CBLC: variants seen among roughly 807,000 people sequenced by gnomAD.
CBLC encodes Cbl proto-oncogene C, also known as E3 ubiquitin-protein ligase CBL-C.
A neutral mutation model predicts 58.6 loss-of-function variants in CBLC; 46 were observed. The ratio of observed to expected loss-of-function variants is 0.79; its 90% CI spans 0.62 to 1.00. The LOEUF is 1.00. Ranked by LOEUF, CBLC falls within the 50% of genes least tolerant of loss-of-function variation. The probability of loss-of-function intolerance (pLI) is 0.00; values close to 1 mark genes in which losing one functional copy is unlikely to be tolerated. For missense variants in CBLC, 655 were observed against 625.8 expected, an observed-to-expected ratio of 1.05 and a Z score of -0.50; for synonymous variants, 271 against 264.2, an observed-to-expected ratio of 1.03 and a Z score of -0.25.
intron 6 of CBLC, 25 bp downstream of exon 6, chr19:44,790,116 G>A (rs901970187): frequency 1.9e-6 from 3 of 1,587,570 alleles, no homozygotes; most frequent in Non-Finnish European, 2.6e-6. Flanking sequence ...TGCACCCGCA[G>A]TCCCAGTTCC....
chr19:44,795,958 G>T (rs967589533), intron 9 of CBLC, among the ~76,000 whole-genome samples: 2 of 152,324 alleles, frequency 1.3e-5, no homozygotes, highest in South Asian at 4.1e-4. Flanking sequence ...GCTTATGCCT[G>T]TAATCCCAAC....
intron 9 of CBLC, among the ~76,000 whole-genome samples, chr19:44,797,304 G>T (rs1188562134): frequency 1.3e-5 from 2 of 152,098 alleles, no homozygotes; most frequent in Non-Finnish European, 2.9e-5. Flanking sequence ...AGGCTGGAGT[G>T]CAGTGGCACG....
intron 5 of CBLC, 114 bp downstream of exon 5, chr19:44,784,515 G>C (rs559599445): frequency 1.1e-5 from 12 of 1,059,064 alleles, no homozygotes; most frequent in Admixed American, 7.3e-5. Flanking sequence ...TTCACATAGG[G>C]GACATCTCAA....
Position 44,792,382 on chromosome 19 carries a change from G to A in CBLC, c.1006-1G>A. The A allele has an allele frequency of 6.2e-7, 1 of 1,613,312 alleles. No homozygotes were observed. Among genetic ancestry groups the A allele is most frequent in the Non-Finnish European group, 8.5e-7 (1 of 1,179,874 alleles). On this transcript the variant is annotated splice_acceptor_variant, in intron 6 of 10. Transcript: ENST00000647358. LOFTEE classifies it high-confidence loss of function. ...GTCTTCTCTATCCTCTCACCTGCCA[G>A]GAGCAGCTGCAGCTCTACTGGGCCA...
Position 44,780,959 on chromosome 19 carries a change from C to G in CBLC, c.408C>G (p.His136Gln). Residue 136 changes from histidine to glutamine, a missense_variant, in exon 2 of 11, where the codon CAC (histidine) becomes CAG (glutamine). This residue lies in a region of CBLC where 280 missense variants were observed against 237.2 expected (regional missense o/e 1.18). Transcript: ENST00000647358. The part of the protein sequence containing the change: ...IIFSHMHAEL[H>Q]ALFPGGKYCG... Reference sequence around the variant, plus strand: ...TCAGCCACATGCACGCAGAGCTGCACGCACTCTTCCCCGGGGGAAAGTACT... The same window carrying G: ...TCAGCCACATGCACGCAGAGCTGCAGGCACTCTTCCCCGGGGGAAAGTACT... 1 of 1,613,464 alleles carries G rather than the reference C, an allele frequency of 6.2e-7. No individual in the cohort carries two copies.
chr19:44,794,193 T>TCC lies in CBLC; in HGVS notation c.1285-9_1285-8dup, dbSNP rs1555781029. 6.9e-6 allele frequency: 11 copies of TCC among 1,602,736 alleles called. No individual in the cohort carries two copies. In the African/African-American group the frequency reaches 1.4e-4, roughly 20 times the overall value. On this transcript the variant is annotated splice_polypyrimidine_tract_variant and intron_variant, in intron 8 of 10. Coordinates refer to ENST00000647358, the MANE Select transcript of CBLC (RefSeq NM_012116.4). The stretch of plus-strand genomic sequence containing the variant: ...TCACAAGCCCCTTCTCCTTCCTCTG[T>TCC]CCCACCCCAGGTGCCCCTTTCGGCT...
In CBLC at chr19:44,790,108, C is replaced by T. The variant is rs940914047; in HGVS notation, c.1005+17C>T. The stretch of plus-strand genomic sequence containing the variant: ...GTGTCAGAGGTGAGACCCGCACCTG[C>T]ACCCGCAGTCCCAGTTCCCTGACCC... On this transcript the variant is annotated intron_variant, in intron 6 of 10. Transcript: ENST00000647358. The T allele has an allele frequency of 1.3e-6, 2 of 1,593,054 alleles. No individual in the cohort carries two copies. Among genetic ancestry groups the T allele is most frequent in the Admixed American group, 1.7e-5 (1 of 59,944 alleles).
intron 4 of CBLC, 64 bp from the exon 5 acceptor site, chr19:44,784,200 G>A (rs907030009): frequency 6.9e-7 from 1 of 1,452,546 alleles, no homozygotes; most frequent in Non-Finnish European, 9.3e-7. Flanking sequence ...CAGGGGACTG[G>A]AAGTTCACAA....
At chr19:44,779,735 T>C (rs1967671509) in intron 1 of CBLC, among the ~76,000 whole-genome samples, 1 of 151,740 alleles carries the variant, frequency 6.6e-6, no homozygotes, top group Admixed American at 6.6e-5. Context: ...TATTTTTTGG[T>C]AGAGAGGAGG....
chr19:44,782,868 A>C (rs1229131783), intron 4 of CBLC, among the ~76,000 whole-genome samples: 1 of 152,102 alleles, frequency 6.6e-6, no homozygotes, highest in Non-Finnish European at 1.5e-5. Flanking sequence ...AGAGTCCTTA[A>C]ATTATTTCAA....
Position 44,784,406 on chromosome 19 carries a change from G to C in CBLC, c.917+5G>C. 2 of 1,571,520 alleles carry C rather than the reference G, an allele frequency of 1.3e-6. No homozygotes were observed. Among genetic ancestry groups the C allele is most frequent in the Non-Finnish European group, 1.7e-6 (2 of 1,147,436 alleles). On this transcript the variant is annotated splice_donor_5th_base_variant and intron_variant, in intron 5 of 10. Coordinates refer to ENST00000647358, the MANE Select transcript of CBLC (RefSeq NM_012116.4). ...GGAGGGACAGAAGGACGGCTTGTGAGTCTCCATTCTGGTAGGAGGAGGGTG... is the reference window on the plus strand; with the variant it reads ...GGAGGGACAGAAGGACGGCTTGTGACTCTCCATTCTGGTAGGAGGAGGGTG...
intron 9 of CBLC, among the ~76,000 whole-genome samples, chr19:44,796,034 G>A (rs921029694): frequency 3.9e-5 from 6 of 152,044 alleles, no homozygotes; most frequent in African/African-American, 9.7e-5. Flanking sequence ...AACCAACATG[G>A]TGAAACCCTG....
chr19:44,797,574 C>CTT (rs763685561), intron 9 of CBLC, among the ~76,000 whole-genome samples: 4 of 133,194 alleles, frequency 3.0e-5, no homozygotes, highest in Non-Finnish European at 4.8e-5. Flanking sequence ...CCTGGCATTG[C>CTT]TTTTTTTTTT....
rs191160050 is a variant in CBLC, at chr19:44,781,412, A to G, written c.657+49A>G. ...GCTAGACTTGGGTCCAGGAGGAAGT[A>G]GAGGGCTGAATCCTGGATTCCTGGG... On this transcript the variant is annotated intron_variant, in intron 3 of 10. Coordinates refer to ENST00000647358, the MANE Select transcript of CBLC (RefSeq NM_012116.4). 7,926 of 1,559,402 alleles carry G rather than the reference A, an allele frequency of 5.1e-3. 32 individuals carry two copies. The highest frequency in any genetic ancestry group is 6.2e-3 in the Non-Finnish European group (7,145 of 1,147,992).
At position 44,792,426 on chromosome 19, in the gene CBLC, T is replaced by A. The variant is rs759463367; in HGVS notation, c.1049T>A (p.Leu350His). The change falls in exon 7 of 11, where the codon CTC (leucine) becomes CAC (histidine). Residue 350 changes from leucine (L) to histidine (H), a missense_variant. Transcript: ENST00000647358. ...TGGGCCATGGACTCCACATTTGAGC[T>A]CTGCAAGATCTGTGCTGAGAGCAAC... ...LYWAMDSTFE[L>H]CKICAESNKD... is the part of the protein sequence containing the mutation. 1 of 1,613,702 alleles carries A rather than the reference T, an allele frequency of 6.2e-7. No individual in the cohort carries two copies. The highest frequency in any genetic ancestry group is 8.5e-7 in the Non-Finnish European group (1 of 1,179,912).
At chr19:44,794,921 C>T (rs1968149009) in intron 9 of CBLC, among the ~76,000 whole-genome samples, 1 of 151,866 alleles carries the variant, frequency 6.6e-6, no homozygotes, top group South Asian at 2.1e-4. Context: ...AGATAGCACC[C>T]CTAGCTGGGG....
Position 44,780,954 on chromosome 19 carries a change from C to T in CBLC, c.403C>T (p.Leu135=). The change falls in exon 2 of 11, where the codon CTG becomes TTG. Residue 135 remains leucine, a synonymous_variant. Transcript: ENST00000647358. ...AIIFSHMHAE[L]HALFPGGKYC... Reference sequence around the variant, plus strand: ...CATCTTCAGCCACATGCACGCAGAGCTGCACGCACTCTTCCCCGGGGGAAA... The same window carrying T: ...CATCTTCAGCCACATGCACGCAGAGTTGCACGCACTCTTCCCCGGGGGAAA... 6.2e-7 allele frequency: 1 copy of T among 1,613,470 alleles called. No individual in the cohort carries two copies.
At position 44,800,534 on chromosome 19, in the gene CBLC, CCT is replaced by C. The variant is rs1483579919; in HGVS notation, c.*8-11_*8-10del. The C allele has an allele frequency of 1.5e-5, 12 of 784,846 alleles. 1 individual carries two copies. In the East Asian group the frequency reaches 3.2e-4, roughly 21 times the overall value. 48.6% of individuals were successfully genotyped at this position (784,846 alleles called of 1,614,324 possible). A position where few individuals can be genotyped will look rare whatever the true frequency, so the allele number is the denominator to read the frequency against. On this transcript the variant is annotated splice_polypyrimidine_tract_variant and intron_variant, in intron 10 of 10. Transcript: ENST00000647358. ...TGGAGGTGACCTCATCTAACCCACC[CCT>C]CTCTCCGCCTACAGGGCACCCAGAT...
chr19:44,780,879 G>A, intron 1 of CBLC, 26 bp from the exon 2 acceptor site: 4 of 1,606,360 alleles, frequency 2.5e-6, no homozygotes, highest in Non-Finnish European at 3.4e-6. Context: ...CCCAAGGATA[G>A]CCAGAGTCCT....
Sources: gnomAD v4.1 joint callset for allele counts (sites outside exome capture counted in the v4.1 genomes callset) on GRCh38, gnomAD v4.1.1 for gene constraint, gnomAD v4.1.1 regional missense constraint, MANE v1.5 for transcripts, NCBI Gene and HGNC (gene_info 2026-07-23, HGNC 2026-07-21) for gene names.